The following IRAG2 variants were observed in gnomAD, a reference collection of about 807,000 sequenced individuals.
IRAG2 encodes lymphoid restricted membrane protein.
Under a neutral mutation model 69.9 loss-of-function variants are expected in IRAG2, and 45 were observed. That is an observed-to-expected ratio of 0.64 (90% CI 0.51 to 0.83). IRAG2 has a LOEUF of 0.83. Ranked by LOEUF, IRAG2 falls within the 40% of genes least tolerant of loss-of-function variation. The pLI, the probability that IRAG2 is intolerant of heterozygous loss-of-function variation, is 0.00. For missense variants in IRAG2, 520 were observed against 587.0 expected, an observed-to-expected ratio of 0.89 and a Z score of 1.18; for synonymous variants, 193 against 202.4, an observed-to-expected ratio of 0.95 and a Z score of 0.40.
chr12:25,103,013 A>G (rs991083413), intron 17 of IRAG2: 1 of 152,242 alleles, frequency 6.6e-6, no homozygotes, highest in African/African-American at 2.4e-5. Flanking sequence ...TATTGGTAGA[A>G]GCATGATTAG....
upstream of IRAG2, chr12:25,004,220 T>C: frequency 1.2e-5 from 8 of 664,616 alleles, no homozygotes; most frequent in Non-Finnish European, 1.5e-5. Flanking sequence ...CCCGCCAAAG[T>C]TGATTTGGGA....
chr12:25,012,143 CCTTTTTTTTTTTTTTT>C (rs1227106029), intron 3 of IRAG2, among the ~76,000 whole-genome samples: 3 of 24,096 alleles, frequency 1.2e-4, no homozygotes, highest in Non-Finnish European at 4.1e-4. Context: ...AAGCGAATTC[CCTTTTTTTTTTTTTTT>C]TTTTTTTTTT....
intron 5 of IRAG2, among the ~76,000 whole-genome samples, chr12:25,067,697 TCTCA>T (rs1051307561): frequency 6.6e-6 from 1 of 151,916 alleles, no homozygotes; most frequent in Non-Finnish European, 1.5e-5. Context: ...GGAGGCAGGA[TCTCA>T]CTCTGTCACC....
chr12:25,084,540 GGTGT>G (rs34550767), intron 10 of IRAG2, among the ~76,000 whole-genome samples: 6,368 of 147,288 alleles, frequency 0.043, 408 homozygotes, highest in African/African-American at 0.14. Flanking sequence ...TGCATGGAGG[GGTGT>G]GTGTGTGTGT....
intron 14 of IRAG2, among the ~76,000 whole-genome samples, chr12:25,036,194 T>C (rs1438407078): frequency 6.6e-6 from 1 of 152,254 alleles, no homozygotes; most frequent in East Asian, 1.9e-4. Context: ...TTCATACTGG[T>C]ATTGCCAGTC....
At chr12:25,030,129 C>T in intron 9 of IRAG2, 1 of 443,088 alleles carries the variant, frequency 2.3e-6, no homozygotes, top group Non-Finnish European at 3.7e-6. Context: ...ATGCCTGCCT[C>T]TAGAGTTGGA....
At chr12:25,099,123 C>T (rs1195580196) in intron 15 of IRAG2, among the ~76,000 whole-genome samples, 1 of 152,168 alleles carries the variant, frequency 6.6e-6, no homozygotes, top group East Asian at 1.9e-4. Context: ...TGATCCCTTG[C>T]AGTCACCTGA....
intron 10 of IRAG2, among the ~76,000 whole-genome samples, chr12:25,085,925 C>T (rs991148520): frequency 1.3e-5 from 2 of 152,070 alleles, no homozygotes; most frequent in African/African-American, 2.4e-5. Context: ...TAGATGCAAA[C>T]CCACAAATAC....
intron 7 of IRAG2, among the ~76,000 whole-genome samples, chr12:25,022,225 A>T (rs1944586885): frequency 6.6e-6 from 1 of 152,194 alleles, no homozygotes; most frequent in African/African-American, 2.4e-5. Context: ...GCTATTGATT[A>T]AAGTGCAGAA....
chr12:25,021,388 T>C (rs1232538442), intron 7 of IRAG2, among the ~76,000 whole-genome samples: 3 of 152,298 alleles, frequency 2.0e-5, no homozygotes, highest in South Asian at 2.1e-4. Flanking sequence ...TTCAAAAATA[T>C]CTGATACTAA....
rs1944480147 is a variant in IRAG2, at chr12:25,012,143, C to CTTTTTTTTTTT, written c.896+592_896+593insTTTTTTTTTTT. 8.3e-5 allele frequency among the ~76,000 whole-genome samples: 2 copies of CTTTTTTTTTTT among 24,096 alleles called. 1 individual carries two copies. The highest frequency in any genetic ancestry group is 2.7e-4 in the Non-Finnish European group (2 of 7,326). 15.8% of individuals were successfully genotyped at this position (24,096 alleles called of 152,430 possible). A position where few individuals can be genotyped will look rare whatever the true frequency, so the allele number is the denominator to read the frequency against. The stretch of plus-strand genomic sequence containing the variant: ...GTCTTCTTCCACAGAAAGCGAATTC[C>CTTTTTTTTTTT]CTTTTTTTTTTTTTTTTTTTTTTTT... On this transcript the variant is annotated intron_variant, in intron 3 of 38. Coordinates refer to the IRAG2 transcript ENST00000636465.
intron 3 of IRAG2, among the ~76,000 whole-genome samples, chr12:25,014,968 C>T (rs1005342573): frequency 4.0e-5 from 6 of 150,618 alleles, no homozygotes; most frequent in Admixed American, 2.7e-4. Context: ...GGAACACAGA[C>T]TATTTTCTAT....
Position 25,107,055 on chromosome 12 carries a change from G to A in IRAG2, c.1256+5G>A, listed in dbSNP as rs777890534. The A allele has an allele frequency of 1.3e-6, 2 of 1,494,986 alleles. No individual in the cohort carries two copies. The highest frequency in any genetic ancestry group is 1.2e-5 in the South Asian group (1 of 85,622). The allele number at this position is 1,494,986 out of a possible 1,614,324, so 92.6% of individuals were successfully genotyped here. A position where few individuals can be genotyped will look rare whatever the true frequency, so the allele number is the denominator to read the frequency against. On this transcript the variant is annotated splice_donor_5th_base_variant and intron_variant, in intron 21 of 21. Transcript: ENST00000556887. The stretch of plus-strand genomic sequence containing the variant: ...AAAGTGGGATGTCTCTTCAGTGTAA[G>A]TTATCTACTTGATAAATTCTACCAT...
chr12:25,062,465 T>C (rs1177119921), intron 2 of IRAG2, among the ~76,000 whole-genome samples: 1 of 152,216 alleles, frequency 6.6e-6, no homozygotes, highest in Non-Finnish European at 1.5e-5. Flanking sequence ...TGAATCTACC[T>C]CTTGGATTAA....
intron 1 of IRAG2, among the ~76,000 whole-genome samples, 173 bp downstream of exon 1, chr12:25,053,129 G>A: frequency 6.6e-6 from 1 of 151,994 alleles, no homozygotes; most frequent in East Asian, 1.9e-4. Context: ...TGAGTGGCTA[G>A]GTGCATGCAT....
chr12:25,030,171 T>C, intron 9 of IRAG2: 1 of 617,842 alleles, frequency 1.6e-6, no homozygotes, highest in African/African-American at 1.9e-5. Context: ...GAAAAGTACA[T>C]GCATGTTAAA....
At chr12:25,031,808 A>G (rs1944669791) in intron 10 of IRAG2, among the ~76,000 whole-genome samples, 1 of 152,084 alleles carries the variant, frequency 6.6e-6, no homozygotes, top group Non-Finnish European at 1.5e-5. Context: ...GATTACAGGC[A>G]TGCGCCACCA....
upstream of IRAG2, among the ~76,000 whole-genome samples, chr12:25,048,650 C>T (rs1944817387): frequency 6.6e-6 from 1 of 152,120 alleles, no homozygotes; most frequent in African/African-American, 2.4e-5. Context: ...TCCTTGCAGA[C>T]TCTGGATATT....
intron 14 of IRAG2, among the ~76,000 whole-genome samples, chr12:25,095,168 C>T (rs1948339360): frequency 6.6e-6 from 1 of 152,046 alleles, no homozygotes; most frequent in Non-Finnish European, 1.5e-5. Flanking sequence ...AAGGAATAAG[C>T]TTTCAGTCTT....
Sources: allele counts gnomAD v4.1 joint callset (sites outside exome capture counted in the v4.1 genomes callset), GRCh38; gene constraint gnomAD v4.1.1; transcripts MANE v1.5; gene names NCBI Gene and HGNC (gene_info 2026-07-23, HGNC 2026-07-21).